Variants in LINGO2 observed in about 807,000 individuals in gnomAD.
The protein encoded by LINGO2 is leucine rich repeat and Ig domain containing 2.
Under a neutral mutation model 30.6 loss-of-function variants are expected in LINGO2, and 14 were observed. The ratio of observed to expected loss-of-function variants is 0.46; its 90% CI spans 0.30 to 0.72. The LOEUF (loss-of-function observed/expected upper bound fraction) is 0.72. Among genes scored for constraint, LINGO2 ranks in the 30% least tolerant of loss-of-function variants. The pLI is 0.07. For synonymous variants in LINGO2, 317 were observed against 288.5 expected (o/e 1.10, Z -1.00); for missense variants, 729 against 751.7 (o/e 0.97, Z 0.35).
chr9:28,996,547 A>T, the LINGO2 span, among the ~76,000 whole-genome samples: 2 of 152,216 alleles, frequency 1.3e-5, no homozygotes, highest in Non-Finnish European at 2.9e-5. Context: ...GCAGGGTCAG[A>T]GTAAGACAGC....
chr9:28,422,511 A>G (rs780186143), intron 2 of LINGO2, among the ~76,000 whole-genome samples: 3 of 152,064 alleles, frequency 2.0e-5, no homozygotes, highest in Non-Finnish European at 4.4e-5. Flanking sequence ...TAAAAAAGAA[A>G]GCAGAAAATA....
At chr9:28,963,720 T>C in the LINGO2 span, among the ~76,000 whole-genome samples, 2 of 151,884 alleles carry the variant, frequency 1.3e-5, no homozygotes. Flanking sequence ...ATATGTGAGC[T>C]AAGAAATTTG....
the LINGO2 span, among the ~76,000 whole-genome samples, chr9:29,200,621 T>A: frequency 0.14 from 21,244 of 152,126 alleles, 1,577 homozygotes; most frequent in Middle Eastern, 0.19. Flanking sequence ...CAGTTTTTCC[T>A]ACTATAAACA....
chr9:29,045,581 A>AC, the LINGO2 span, among the ~76,000 whole-genome samples: 40 of 142,980 alleles, frequency 2.8e-4, no homozygotes, highest in African/African-American at 8.6e-4. Flanking sequence ...TCCCTTCATG[A>AC]TTAAAAAAAA....
At chr9:28,661,145 A>AATAT (rs372827051) in intron 1 of LINGO2, among the ~76,000 whole-genome samples, 22 of 150,160 alleles carry the variant, frequency 1.5e-4, no homozygotes, top group Admixed American at 7.3e-4. Context: ...GATGCAGAAA[A>AATAT]ATATATATAT....
the LINGO2 span, among the ~76,000 whole-genome samples, chr9:29,094,902 G>T: frequency 7.3e-6 from 1 of 137,332 alleles, no homozygotes. Context: ...TATTCTTTTA[G>T]GTATATCTCT....
In LINGO2 at chr9:28,546,599, A is replaced by G. The variant is rs138117277; in HGVS notation, c.-364-70574T>C. ...CAATTTCATTACAGCCAGCTCCTACACAGAAAGGTGGAAAAAGGTTAAAGT... is the reference window on the plus strand; with the variant it reads ...CAATTTCATTACAGCCAGCTCCTACGCAGAAAGGTGGAAAAAGGTTAAAGT... On this transcript the variant is annotated intron_variant, in intron 1 of 5. Coordinates refer to ENST00000379992, the Ensembl canonical transcript of LINGO2. 2.5e-3 allele frequency among the ~76,000 whole-genome samples: 378 copies of G among 152,198 alleles called. 4 individuals are homozygous for G. Among genetic ancestry groups the G allele is most frequent in the African/African-American group, 8.8e-3 (364 of 41,568 alleles).
intron 1 of LINGO2, among the ~76,000 whole-genome samples, chr9:28,565,708 C>G (rs984749170): frequency 1.3e-5 from 2 of 151,588 alleles, no homozygotes; most frequent in African/African-American, 4.8e-5. Flanking sequence ...CCCACCACCA[C>G]GCCCACCTAA....
intron 3 of LINGO2, among the ~76,000 whole-genome samples, chr9:28,348,737 T>C (rs1204196753): frequency 2.6e-5 from 4 of 151,710 alleles, no homozygotes; most frequent in Non-Finnish European, 5.9e-5. Context: ...CTCTGCAGAC[T>C]TAAATGTCCC....
In LINGO2 at chr9:28,469,500, T is replaced by G. The variant is rs914674357; in HGVS notation, c.-279+6440A>C. ...CAAATTCCAAGTAGAATAAAGAGATTCACAAGAAGAGACATTACAATCAAA... is the reference window on the plus strand; with the variant it reads ...CAAATTCCAAGTAGAATAAAGAGATGCACAAGAAGAGACATTACAATCAAA... On this transcript the variant is annotated intron_variant, in intron 2 of 5. Transcript: ENST00000379992. Among the ~76,000 whole-genome samples, 4 of 151,930 alleles carry G rather than the reference T, an allele frequency of 2.6e-5. No individual in the cohort carries two copies. In the East Asian group the frequency reaches 5.8e-4, roughly 22 times the overall value.
intron 4 of LINGO2, among the ~76,000 whole-genome samples, chr9:28,098,676 G>C (rs951903679): frequency 6.6e-6 from 1 of 152,158 alleles, no homozygotes; most frequent in Non-Finnish European, 1.5e-5. Flanking sequence ...AGTCAAGAAT[G>C]CTAAGCCCCA....
chr9:27,946,117 T>C (rs1021553992), downstream of LINGO2, among the ~76,000 whole-genome samples: 18 of 152,090 alleles, frequency 1.2e-4, no homozygotes, highest in Admixed American at 9.2e-4. Flanking sequence ...TGTTAACAGT[T>C]ATAGCACGAA....
the LINGO2 span, among the ~76,000 whole-genome samples, chr9:28,948,570 G>A: frequency 2.0e-5 from 3 of 151,918 alleles, no homozygotes; most frequent in Admixed American, 6.6e-5. Flanking sequence ...CCACTTAAAA[G>A]TCAAATTTAT....
chr9:28,880,301 A>C, the LINGO2 span, among the ~76,000 whole-genome samples: 3 of 152,144 alleles, frequency 2.0e-5, no homozygotes, highest in African/African-American at 7.2e-5. Context: ...TACCTTAAAG[A>C]ATTGCTTTGC....
At chr9:29,158,738 G>C in the LINGO2 span, among the ~76,000 whole-genome samples, 1 of 152,210 alleles carries the variant, frequency 6.6e-6, no homozygotes, top group South Asian at 2.1e-4. Flanking sequence ...GTGTGTGCAA[G>C]TGTGTGTTTG....
chr9:28,571,098 A>G (rs1236559106), intron 1 of LINGO2, among the ~76,000 whole-genome samples: 2 of 152,010 alleles, frequency 1.3e-5, no homozygotes, highest in East Asian at 1.9e-4. Context: ...GATGAGATCC[A>G]TGATGTAGAC....
At position 28,508,842 on chromosome 9, in the gene LINGO2, A is replaced by C. The variant is rs531437884; in HGVS notation, c.-364-32817T>G. On this transcript the variant is annotated intron_variant, in intron 1 of 5. Coordinates refer to ENST00000379992, the Ensembl canonical transcript of LINGO2. ...CCCTACCTTTGATGATTTACTACAC[A>C]TATGATCTTTGAGTTAGTTTCTTAC... Among the ~76,000 whole-genome samples, 19 of 152,196 alleles carry C rather than the reference A, an allele frequency of 1.2e-4. No homozygotes were observed. In the South Asian group the frequency reaches 3.7e-3, roughly 30 times the overall value.
intron 3 of LINGO2, among the ~76,000 whole-genome samples, chr9:28,333,557 G>A (rs941216720): frequency 6.6e-6 from 1 of 152,056 alleles, no homozygotes; most frequent in Non-Finnish European, 1.5e-5. Flanking sequence ...TAACTACTTA[G>A]TTTTCAAAAT....
chr9:28,649,320 G>C (rs1348355119), intron 1 of LINGO2, among the ~76,000 whole-genome samples: 1 of 143,624 alleles, frequency 7.0e-6, no homozygotes, highest in East Asian at 2.0e-4. Context: ...TGACAAGCAT[G>C]TCTCAACAAT....
Sources: gnomAD v4.1 joint callset for allele counts (sites outside exome capture counted in the v4.1 genomes callset) on GRCh38, gnomAD v4.1.1 for gene constraint, MANE v1.5 for transcripts, NCBI Gene and HGNC (gene_info 2026-07-23, HGNC 2026-07-21) for gene names.